Variants in CCDC69 observed in about 807,000 individuals in gnomAD.
The protein encoded by CCDC69 is coiled-coil domain-containing protein 69.
A neutral mutation model predicts 40.3 loss-of-function variants in CCDC69; 38 were observed. The observed-to-expected ratio is 0.94, with a 90% confidence interval of 0.73 to 1.24. CCDC69 has a LOEUF of 1.24. Ranked by LOEUF, CCDC69 falls within the 50% of genes most tolerant of loss-of-function variation. CCDC69 has a pLI of 0.00. For synonymous variants in CCDC69, 141 were observed against 138.9 expected (o/e 1.02, Z -0.11); for missense variants, 389 against 357.9 (o/e 1.09, Z -0.70).
chr5:151,219,708 G>C (rs1753108670), intron 1 of CCDC69, among the ~76,000 whole-genome samples: 2 of 152,056 alleles, frequency 1.3e-5, no homozygotes, highest in Admixed American at 6.5e-5. Flanking sequence ...GTACACAGTG[G>C]CTATCTCTTA....
chr5:151,206,317 T>C (rs964558971), intron 1 of CCDC69, among the ~76,000 whole-genome samples: 5 of 152,186 alleles, frequency 3.3e-5, no homozygotes, highest in African/African-American at 9.6e-5. Flanking sequence ...TGTTCAGCTA[T>C]GCGGAAGCTC....
chr5:151,192,339 T>G (rs1191384684), intron 4 of CCDC69, among the ~76,000 whole-genome samples: 1 of 151,322 alleles, frequency 6.6e-6, no homozygotes, highest in Non-Finnish European at 1.5e-5. Flanking sequence ...ATATCAGGAA[T>G]GAAATATCAC....
rs981628770 is a variant in CCDC69 at position 151,188,017 on chromosome 5, G to A, written c.320-558C>T. 4.6e-5 allele frequency among the ~76,000 whole-genome samples: 7 copies of A among 152,154 alleles called. No individual in the cohort carries two copies. The East Asian group carries it at 1.2e-3, about 25-fold the overall frequency. On this transcript the variant is annotated intron_variant, in intron 4 of 8. Transcript: ENST00000355417. ...AACTGTGAAATGGGATCAATAAACT[G>A]GATCTGATTGTCTCAAAGGGGTCAT...
chr5:151,191,185 G>T (rs1752606674), intron 4 of CCDC69, among the ~76,000 whole-genome samples: 2 of 151,832 alleles, frequency 1.3e-5, no homozygotes, highest in Non-Finnish European at 1.5e-5. Flanking sequence ...ATAAGTAAAA[G>T]GGTGGAAAAA....
chr5:151,204,194 GT>G (rs944688979), intron 2 of CCDC69, among the ~76,000 whole-genome samples: 30 of 152,008 alleles, frequency 2.0e-4, no homozygotes, highest in African/African-American at 7.0e-4. Flanking sequence ...CTCCAGGCTA[GT>G]TTTTTGTGTG....
intron 1 of CCDC69, among the ~76,000 whole-genome samples, chr5:151,220,524 A>T (rs152264): frequency 0.77 from 116,618 of 152,114 alleles, 45,918 homozygotes; most frequent in East Asian, 1. Context: ...CCAAGCCTGC[A>T]CCAGCCTCTT....
At chr5:151,198,808 C>T in intron 4 of CCDC69, 189 bp downstream of exon 4, 1 of 528,870 alleles carries the variant, frequency 1.9e-6, no homozygotes, top group South Asian at 3.1e-5. Flanking sequence ...ATGCCAGCCT[C>T]TTAAATCCAT....
At chr5:151,219,407 G>A (rs2114006239) in intron 1 of CCDC69, among the ~76,000 whole-genome samples, 1 of 152,104 alleles carries the variant, frequency 6.6e-6, no homozygotes, top group East Asian at 1.9e-4. Flanking sequence ...ACTGGCCCCA[G>A]GTAGGAGGAA....
chr5:151,218,487 G>T (rs926229111), intron 1 of CCDC69, among the ~76,000 whole-genome samples: 1 of 152,274 alleles, frequency 6.6e-6, no homozygotes, highest in East Asian at 1.9e-4. Flanking sequence ...TCCTTTCGTT[G>T]GGAGGGTACT....
rs990235202 is a variant in CCDC69 at position 151,201,564 on chromosome 5, G to A, written c.231+18C>T. 33 of 1,533,428 alleles carry A rather than the reference G, an allele frequency of 2.2e-5. No individual in the cohort carries two copies. Among genetic ancestry groups the A allele is most frequent in the African/African-American group, 1.1e-4 (8 of 73,132 alleles). The allele number at this position is 1,533,428 out of a possible 1,614,324, so 95.0% of individuals were successfully genotyped here. A position where few individuals can be genotyped will look rare whatever the true frequency, so the allele number is the denominator to read the frequency against. ...GCTGAGCAGGAGAAAGACAGGGGGT[G>A]GGGGCACCTGGACTTACCTGTTGTG... On this transcript the variant is annotated intron_variant, in intron 3 of 8. Coordinates refer to ENST00000355417, the MANE Select transcript of CCDC69 (RefSeq NM_015621.3).
rs558217207 is a variant in CCDC69, at chr5:151,220,716, T to C, written c.48+3207A>G. 2.7e-4 allele frequency among the ~76,000 whole-genome samples: 41 copies of C among 151,646 alleles called. No individual in the cohort carries two copies. In the East Asian group the frequency reaches 4.5e-3, roughly 16 times the overall value. On this transcript the variant is annotated intron_variant, in intron 1 of 8. Transcript: ENST00000355417. Reference sequence around the variant, plus strand: ...AGCCACAGCCTTCGGGAATGGAGAGTTCAGACATCATTCCTGGTACTCTGC... The same window carrying C: ...AGCCACAGCCTTCGGGAATGGAGAGCTCAGACATCATTCCTGGTACTCTGC...
At chr5:151,205,014 C>CCTCCCTCT (rs1263626733) in intron 2 of CCDC69, among the ~76,000 whole-genome samples, 1 of 143,734 alleles carries the variant, frequency 7.0e-6, no homozygotes, top group Non-Finnish European at 1.5e-5. Context: ...CCCATCCCTC[C>CCTCCCTCT]CTCCCTCCCT....
Position 151,223,888 on chromosome 5 carries a change from C to T in CCDC69, c.48+35G>A, listed in dbSNP as rs201554680. 3,301 of 1,589,518 alleles carry T rather than the reference C, an allele frequency of 2.1e-3. 7 individuals carry two copies. The highest frequency in any genetic ancestry group is 2.3e-3 in the Non-Finnish European group (2,733 of 1,168,932). On this transcript the variant is annotated intron_variant, in intron 1 of 8. Transcript: ENST00000355417. ...CGGAGCGATTCCGCACTCCCCTCTCCTCTGAAAGCAAACTTCTCCGCCGGC... is the reference window on the plus strand; with the variant it reads ...CGGAGCGATTCCGCACTCCCCTCTCTTCTGAAAGCAAACTTCTCCGCCGGC...
intron 3 of CCDC69, among the ~76,000 whole-genome samples, chr5:151,200,791 A>C (rs1485930876): frequency 6.6e-6 from 1 of 152,128 alleles, no homozygotes; most frequent in Non-Finnish European, 1.5e-5. Flanking sequence ...CTCAATTTTC[A>C]TTTCTGGGTA....
chr5:151,209,091 C>G (rs951588237), intron 1 of CCDC69, among the ~76,000 whole-genome samples: 38 of 152,316 alleles, frequency 2.5e-4, no homozygotes, highest in African/African-American at 7.5e-4. Context: ...GTTAAGAACT[C>G]CAGAATTCTA....
chr5:151,217,420 G>C (rs1055955181), intron 1 of CCDC69, among the ~76,000 whole-genome samples: 1 of 152,158 alleles, frequency 6.6e-6, no homozygotes, highest in Non-Finnish European at 1.5e-5. Flanking sequence ...GGGGGTGAGA[G>C]GGTGGGTAAG....
intron 2 of CCDC69, among the ~76,000 whole-genome samples, chr5:151,204,358 G>T (rs1055466054): frequency 6.6e-6 from 1 of 152,170 alleles, no homozygotes; most frequent in African/African-American, 2.4e-5. Flanking sequence ...TATATAATCA[G>T]ATTGGATTTT....
At chr5:151,204,121 C>T (rs1752820099) in intron 2 of CCDC69, among the ~76,000 whole-genome samples, 2 of 151,804 alleles carry the variant, frequency 1.3e-5, no homozygotes, top group South Asian at 2.1e-4. Context: ...CCTCAACCTC[C>T]TTGGCTCAGG....
At chr5:151,190,365 T>A (rs2113986534) in intron 4 of CCDC69, among the ~76,000 whole-genome samples, 1 of 152,196 alleles carries the variant, frequency 6.6e-6, no homozygotes, top group South Asian at 2.1e-4. Flanking sequence ...CCATTAGATG[T>A]GGTAAAATAG....
Sources: gnomAD v4.1 joint callset for allele counts (sites outside exome capture counted in the v4.1 genomes callset) on GRCh38, gnomAD v4.1.1 for gene constraint, MANE v1.5 for transcripts, NCBI Gene and HGNC (gene_info 2026-07-23, HGNC 2026-07-21) for gene names.